The following LDLRAD1 variants were observed in gnomAD, a reference collection of about 807,000 sequenced individuals.
The protein encoded by LDLRAD1 is low density lipoprotein receptor class A domain containing 1, also known as low-density lipoprotein receptor class A domain-containing protein 1.
LDLRAD1 carries 17 observed loss-of-function variants against 24.8 expected under a neutral mutation model. The ratio of observed to expected loss-of-function variants is 0.69; its 90% CI spans 0.47 to 1.03. The LOEUF is 1.03. Ranked by LOEUF, LDLRAD1 falls within the 50% of genes least tolerant of loss-of-function variation. The pLI is 0.00. For synonymous variants in LDLRAD1, 103 were observed against 108.2 expected, an observed-to-expected ratio of 0.95 and a Z score of 0.30; for missense variants, 277 against 271.0, an observed-to-expected ratio of 1.02 and a Z score of -0.16.
chr1:54,012,126 A>G lies in LDLRAD1; in HGVS notation c.340+17T>C, dbSNP rs1337111709. Reference sequence around the variant, plus strand: ...TGGGGGAACCCCTGGGAGGGGCAGCACCGAGCGGGTACTCACGGCACAAGC... The same window carrying G: ...TGGGGGAACCCCTGGGAGGGGCAGCGCCGAGCGGGTACTCACGGCACAAGC... On this transcript the variant is annotated intron_variant, in intron 4 of 5. Coordinates refer to ENST00000371360, the MANE Select transcript of LDLRAD1 (RefSeq NM_001010978.4). The G allele has an allele frequency of 6.2e-7, 1 of 1,612,836 alleles. No individual in the cohort carries two copies. The highest frequency in any genetic ancestry group is 8.5e-7 in the Non-Finnish European group (1 of 1,179,796).
chr1:54,009,272 T>A, intron 5 of LDLRAD1, 142 bp from the exon 6 acceptor site: 1 of 723,300 alleles, frequency 1.4e-6, no homozygotes, highest in Non-Finnish European at 2.4e-6. Context: ...TTCCTAGTTT[T>A]CCTGCGGCAG....
In LDLRAD1 at chr1:54,010,359, G is replaced by A. The variant is rs751878610; in HGVS notation, c.392C>T (p.Pro131Leu). ...TTGGTCTGAGTAGATCCAGGAGGCC[G>A]GGTCTCCACAGTGGGCCACAAGGAA... Reference protein sequence around the residue: ...PHFLVAHCGDPASWIYSDQKC... With the variant: ...PHFLVAHCGDLASWIYSDQKC... Residue 131 changes from proline (P) to leucine (L), a missense_variant, in exon 5 of 6, where the codon CCG becomes CTG. Coordinates refer to ENST00000371360, the MANE Select transcript of LDLRAD1 (RefSeq NM_001010978.4). 4.8e-5 allele frequency: 77 copies of A among 1,613,796 alleles called. No individual in the cohort carries two copies. In the Middle Eastern group the frequency reaches 4.9e-4, roughly 10 times the overall value.
intron 3 of LDLRAD1, 76 bp downstream of exon 3, chr1:54,014,159 CG>C (rs1165825049): frequency 6.6e-7 from 1 of 1,511,788 alleles, no homozygotes; most frequent in African/African-American, 1.4e-5. Flanking sequence ...CCAGGCAGGT[CG>C]GGGCTCCCTC....
At chr1:54,010,114 T>C (rs1463523870) in intron 5 of LDLRAD1, among the ~76,000 whole-genome samples, 168 bp downstream of exon 5, 1 of 152,048 alleles carries the variant, frequency 6.6e-6, no homozygotes, top group Non-Finnish European at 1.5e-5. Flanking sequence ...TCACTTGGAG[T>C]GGTAGTGAGT....
chr1:54,011,872 G>T (rs1185503241), intron 4 of LDLRAD1, among the ~76,000 whole-genome samples: 1 of 152,228 alleles, frequency 6.6e-6, no homozygotes, highest in African/African-American at 2.4e-5. Flanking sequence ...GTCAGGGAAG[G>T]CTTCCTGGAG....
In LDLRAD1 at chr1:54,014,379, A is replaced by C; in HGVS notation, c.74-15T>G. ...GCCGCCGCCTGCTGTGTGGGGGGGA[A>C]ACAAGCCCGGGGGTGGTGGTGATAG... On this transcript the variant is annotated splice_polypyrimidine_tract_variant and intron_variant, in intron 2 of 5. Coordinates refer to ENST00000371360, the MANE Select transcript of LDLRAD1 (RefSeq NM_001010978.4). 8.1e-7 allele frequency: 1 copy of C among 1,240,670 alleles called. No individual in the cohort carries two copies. Among genetic ancestry groups the C allele is most frequent in the East Asian group, 5.3e-5 (1 of 18,766 alleles). The allele number at this position is 1,240,670 out of a possible 1,614,324, so 76.9% of individuals were successfully genotyped here.
intron 2 of LDLRAD1, among the ~76,000 whole-genome samples, chr1:54,015,654 GT>G (rs757497560): frequency 7.9e-6 from 1 of 127,018 alleles, no homozygotes; most frequent in African/African-American, 2.8e-5. Flanking sequence ...TGTTTTTTTT[GT>G]TTTTTTTGTT....
chr1:54,008,875 C>CGGTGGTCGCCGTGT lies in LDLRAD1; in HGVS notation c.*106_*107insACACGGCGACCACC. 1 of 761,220 alleles carries CGGTGGTCGCCGTGT rather than the reference C, an allele frequency of 1.3e-6. No homozygotes were observed. Among genetic ancestry groups the CGGTGGTCGCCGTGT allele is most frequent in the Non-Finnish European group, 1.8e-6 (1 of 548,850 alleles). The allele number at this position is 761,220 out of a possible 1,614,324, so 47.2% of individuals were successfully genotyped here. On this transcript the variant is annotated 3_prime_UTR_variant, in exon 6 of 6. Transcript: ENST00000371360. ...CCTATTCAGAAATGATGTGTAGATC[C>CGGTGGTCGCCGTGT]CATTTCAAAGGCTGCTTCCTGCCCT...
chr1:54,016,104 G>A (rs1050402081), intron 2 of LDLRAD1, among the ~76,000 whole-genome samples: 1 of 152,170 alleles, frequency 6.6e-6, no homozygotes, highest in African/African-American at 2.4e-5. Context: ...CCACAGGCAG[G>A]TAAGGGGAGG....
chr1:54,011,543 G>A (rs1014115883), intron 4 of LDLRAD1, among the ~76,000 whole-genome samples: 2 of 152,134 alleles, frequency 1.3e-5, no homozygotes, highest in African/African-American at 4.8e-5. Flanking sequence ...CCCACCCACT[G>A]CACCTCTCCA....
At chr1:54,013,467 T>G (rs1309747451) in intron 3 of LDLRAD1, among the ~76,000 whole-genome samples, 1 of 144,202 alleles carries the variant, frequency 6.9e-6, no homozygotes, top group Admixed American at 7.2e-5. Flanking sequence ...TAATCCCCTT[T>G]CTGTGGCTCC....
chr1:54,010,685 T>C (rs943876484), intron 4 of LDLRAD1, among the ~76,000 whole-genome samples: 2 of 152,124 alleles, frequency 1.3e-5, no homozygotes, highest in Admixed American at 6.5e-5. Context: ...CTGCTGACAC[T>C]ATGCCCCCCT....
intron 5 of LDLRAD1, 130 bp downstream of exon 5, chr1:54,010,152 G>T: frequency 2.0e-6 from 2 of 997,226 alleles, no homozygotes; most frequent in Non-Finnish European, 2.9e-6. Context: ...ATTCAAGCAG[G>T]GGTAGAAAAC....
intron 3 of LDLRAD1, 76 bp from the exon 4 acceptor site, chr1:54,012,356 C>G: frequency 6.5e-7 from 1 of 1,531,148 alleles, no homozygotes; most frequent in Non-Finnish European, 9.0e-7. Flanking sequence ...CTGAACTCCG[C>G]CTAGAGCTGG....
intron 2 of LDLRAD1, among the ~76,000 whole-genome samples, chr1:54,015,937 G>A (rs1021707188): frequency 2.6e-5 from 4 of 152,142 alleles, no homozygotes; most frequent in Admixed American, 6.5e-5. Flanking sequence ...TTACAGGTGT[G>A]AGCCACCACA....
intron 3 of LDLRAD1, 33 bp downstream of exon 3, chr1:54,014,203 G>T: frequency 6.4e-7 from 1 of 1,567,732 alleles, no homozygotes; most frequent in Non-Finnish European, 8.7e-7. Flanking sequence ...CCTCCCCGCC[G>T]GGTCTGACCC....
chr1:54,014,328 G>T lies in LDLRAD1; in HGVS notation c.110C>A (p.Ala37Asp), dbSNP rs112985435. Residue 37 changes from alanine (A) to aspartate (D), a missense_variant, in exon 3 of 6, where the codon GCC becomes GAC. Physicochemically the swap from Ala to Asp is moderately radical, Grantham distance 126 (BLOSUM62 -2). Coordinates refer to ENST00000371360, the MANE Select transcript of LDLRAD1 (RefSeq NM_001010978.4). Reference protein sequence around the residue: ...GGHLCCSRRGACLSASLLLLL... With the variant: ...GGHLCCSRRGDCLSASLLLLL... ...GAGCAGCAGAGAGGCAGAGAGGCAG[G>T]CCCCGCGACGTGAGCAGCAGAGGTG... The T allele has an allele frequency of 1.4e-5, 21 of 1,548,156 alleles. No homozygotes were observed. The highest frequency in any genetic ancestry group is 1.7e-5 in the Non-Finnish European group (20 of 1,146,044).
chr1:54,018,115 C>G lies in LDLRAD1; in HGVS notation c.-3G>C, dbSNP rs751179611. ...ACCTGGGGGAAGACCTTGTTCATGT[C>G]TTCGGTTTCCTGCTGCCCGACTGGG... On this transcript the variant is annotated 5_prime_UTR_variant, in exon 1 of 6. Transcript: ENST00000371360. 2 of 1,613,678 alleles carry G rather than the reference C, an allele frequency of 1.2e-6. No individual in the cohort carries two copies. Among genetic ancestry groups the G allele is most frequent in the Non-Finnish European group, 1.7e-6 (2 of 1,179,866 alleles).
In LDLRAD1 at chr1:54,014,314, A is replaced by G. The variant is rs138083713; in HGVS notation, c.124T>C (p.Ser42Pro). The G allele has an allele frequency of 2.6e-6, 4 of 1,548,528 alleles. No individual in the cohort carries two copies. Among genetic ancestry groups the G allele is most frequent in the Non-Finnish European group, 3.5e-6 (4 of 1,146,506 alleles). Residue 42 changes from serine to proline, a missense_variant, in exon 3 of 6, where the codon TCT becomes CCT. By Grantham distance (74) the Ser-to-Pro change is moderately conservative (BLOSUM62 -1). Coordinates refer to ENST00000371360, the MANE Select transcript of LDLRAD1 (RefSeq NM_001010978.4). Reference sequence around the variant, plus strand: ...ACAGTTGCCAGGAGGAGCAGCAGAGAGGCAGAGAGGCAGGCCCCGCGACGT... The same window carrying G: ...ACAGTTGCCAGGAGGAGCAGCAGAGGGGCAGAGAGGCAGGCCCCGCGACGT... ...CSRRGACLSA[S>P]LLLLLATVAA...
Sources: allele counts gnomAD v4.1 joint callset (sites outside exome capture counted in the v4.1 genomes callset), GRCh38; gene constraint gnomAD v4.1.1; transcripts MANE v1.5; gene names NCBI Gene and HGNC (gene_info 2026-07-23, HGNC 2026-07-21).